Variants in CNTN4 observed in about 807,000 individuals in gnomAD.
CNTN4 encodes the protein contactin-4.
A neutral mutation model predicts 122.5 loss-of-function variants in CNTN4; 77 were observed. The observed-to-expected ratio is 0.63, with a 90% CI of 0.52 to 0.76. The LOEUF (loss-of-function observed/expected upper bound fraction) is 0.76. Among genes scored for constraint, CNTN4 ranks in the 30% least tolerant of loss-of-function variants. The pLI is 0.00. For synonymous variants in CNTN4, 512 were observed against 447.0 expected (o/e 1.15, Z -1.83); for missense variants, 1,256 against 1,259.1 (o/e 1.00, Z 0.04).
rs1700372951 is a variant in CNTN4, at chr3:3,043,768, G to T, written c.2811+64G>T. 4 of 1,012,234 alleles carry T rather than the reference G, an allele frequency of 4.0e-6. No individual in the cohort carries two copies. In the South Asian group the frequency reaches 5.2e-5, roughly 13 times the overall value. 62.7% of individuals were successfully genotyped at this position (1,012,234 alleles called of 1,614,324 possible). Reference sequence around the variant, plus strand: ...TGTGAGTGGGGGCAGTCTCCTCCATGAATTATACAGTTGTCTGCATTGTCA... The same window carrying T: ...TGTGAGTGGGGGCAGTCTCCTCCATTAATTATACAGTTGTCTGCATTGTCA... On this transcript the variant is annotated intron_variant, in intron 23 of 24. Transcript: ENST00000418658.
At chr3:2,627,343 A>G (rs1177682474) in intron 4 of CNTN4, among the ~76,000 whole-genome samples, 5 of 151,946 alleles carry the variant, frequency 3.3e-5, no homozygotes, top group African/African-American at 9.7e-5. Context: ...AGTTATGTTT[A>G]TTTTCTAGCA....
At chr3:2,348,522 C>T (rs1376884986) in intron 3 of CNTN4, among the ~76,000 whole-genome samples, 1 of 152,216 alleles carries the variant, frequency 6.6e-6, no homozygotes. Flanking sequence ...TTAACTGAAA[C>T]TTATTGCAGA....
At chr3:2,816,134 C>G (rs2092722004) in intron 6 of CNTN4, among the ~76,000 whole-genome samples, 1 of 151,980 alleles carries the variant, frequency 6.6e-6, no homozygotes, top group African/African-American at 2.4e-5. Flanking sequence ...GCAGGCAGAT[C>G]ATGAGGTCAG....
chr3:2,368,029 C>CTTTT (rs549023861), intron 3 of CNTN4, among the ~76,000 whole-genome samples: 52 of 109,788 alleles, frequency 4.7e-4, no homozygotes, highest in African/African-American at 1.1e-3. Flanking sequence ...TAGAAAACTT[C>CTTTT]TTTTTTTTTT....
At chr3:2,344,723 G>C (rs756305398) in intron 3 of CNTN4, among the ~76,000 whole-genome samples, 5 of 152,134 alleles carry the variant, frequency 3.3e-5, no homozygotes, top group Non-Finnish European at 7.4e-5. Flanking sequence ...GTACTGATTA[G>C]CTCTTTTGTT....
chr3:2,881,221 G>A (rs1031386813), intron 8 of CNTN4, among the ~76,000 whole-genome samples: 1 of 152,122 alleles, frequency 6.6e-6, no homozygotes, highest in Admixed American at 6.5e-5. Flanking sequence ...CTGATGAAAA[G>A]GGTCACCTCG....
intron 2 of CNTN4, among the ~76,000 whole-genome samples, chr3:2,304,353 A>T (rs1023623547): frequency 3.9e-5 from 6 of 152,200 alleles, no homozygotes. Context: ...AATGAAATTA[A>T]TTACACGTTA....
intron 2 of CNTN4, among the ~76,000 whole-genome samples, chr3:2,272,538 G>T (rs13090494): frequency 0.54 from 81,286 of 151,884 alleles, 22,408 homozygotes; most frequent in South Asian, 0.68. Flanking sequence ...CTATGATAAA[G>T]ATCTTTGTGC....
chr3:2,518,119 G>A (rs1202380745), intron 3 of CNTN4, among the ~76,000 whole-genome samples: 1 of 150,276 alleles, frequency 6.7e-6, no homozygotes, highest in Non-Finnish European at 1.5e-5. Flanking sequence ...TGTGGCATGT[G>A]AGTACATTTA....
intron 12 of CNTN4, among the ~76,000 whole-genome samples, chr3:2,913,960 C>G (rs1027717604): frequency 2.6e-5 from 4 of 152,122 alleles, no homozygotes; most frequent in South Asian, 2.1e-4. Context: ...GTAATATCCT[C>G]TCGGACTATG....
chr3:2,297,426 A>T (rs1186116948), intron 2 of CNTN4, among the ~76,000 whole-genome samples: 1 of 152,160 alleles, frequency 6.6e-6, no homozygotes, highest in African/African-American at 2.4e-5. Context: ...TTGTGTTAAG[A>T]GGTTATGTTG....
intron 2 of CNTN4, among the ~76,000 whole-genome samples, chr3:2,308,304 C>T (rs1010675334): frequency 2.6e-5 from 4 of 151,846 alleles, no homozygotes; most frequent in African/African-American, 7.2e-5. Context: ...ATTGTTTTGT[C>T]AGTCTAGCTA....
intron 2 of CNTN4, among the ~76,000 whole-genome samples, chr3:2,301,278 C>G (rs2042508338): frequency 6.6e-6 from 1 of 152,184 alleles, no homozygotes; most frequent in African/African-American, 2.4e-5. Flanking sequence ...TAATTTATAT[C>G]TTTATGGTCT....
Position 2,931,403 on chromosome 3 carries a change from TGA to T in CNTN4, c.1358+5628_1358+5629del, listed in dbSNP as rs543192302. 2.9e-3 allele frequency among the ~76,000 whole-genome samples: 438 copies of T among 152,224 alleles called. 3 individuals are homozygous for T. Among genetic ancestry groups the T allele is most frequent in the Non-Finnish European group, 7.8e-4 (53 of 68,026 alleles). On this transcript the variant is annotated intron_variant, in intron 13 of 24. Transcript: ENST00000418658. Reference sequence around the variant, plus strand: ...GTAGTAAACAGAGAAGGAGCAAGACTGAGAGGGGGCAAATAAAGAGGTTACTG... The same window carrying T: ...GTAGTAAACAGAGAAGGAGCAAGACTGAGGGGGCAAATAAAGAGGTTACTG...
At chr3:2,533,006 G>A (rs145858093) in intron 3 of CNTN4, among the ~76,000 whole-genome samples, 31 of 152,098 alleles carry the variant, frequency 2.0e-4, no homozygotes, top group East Asian at 1.6e-3. Flanking sequence ...CTTAGTCACC[G>A]CCCAAATCTC....
rs113454553 is a variant in CNTN4 at position 2,761,438 on chromosome 3, C to CTGTGTGTGTGTG, written c.358+15765_358+15776dup. Among the ~76,000 whole-genome samples, 143 of 92,762 alleles carry CTGTGTGTGTGTG rather than the reference C, an allele frequency of 1.5e-3. 1 individual carries two copies. In the Middle Eastern group the frequency reaches 0.026, roughly 17 times the overall value. The allele number at this position is 92,762 out of a possible 152,430, so 60.9% of individuals were successfully genotyped here. A position where few individuals can be genotyped will look rare whatever the true frequency, so the allele number is the denominator to read the frequency against. On this transcript the variant is annotated intron_variant, in intron 6 of 24. Coordinates refer to ENST00000418658, the MANE Select transcript of CNTN4 (RefSeq NM_175607.3). ...ATTAAATATGCCTGGTAAGTGTAAC[C>CTGTGTGTGTGTG]TGTGTGTGTGTGTGTGTGTGTGTGT...
intron 3 of CNTN4, among the ~76,000 whole-genome samples, chr3:2,457,944 C>T (rs960234657): frequency 6.6e-6 from 1 of 152,058 alleles, no homozygotes; most frequent in Non-Finnish European, 1.5e-5. Context: ...AGATTTTGAC[C>T]ACCTCAGGAT....
intron 2 of CNTN4, among the ~76,000 whole-genome samples, chr3:2,261,080 T>C (rs533758888): frequency 6.6e-6 from 1 of 152,260 alleles, no homozygotes; most frequent in East Asian, 1.9e-4. Context: ...CACTACCATA[T>C]GATGAATAAT....
chr3:2,527,279 G>A (rs369521152), intron 3 of CNTN4, among the ~76,000 whole-genome samples: 1 of 152,120 alleles, frequency 6.6e-6, no homozygotes, highest in South Asian at 2.1e-4. Flanking sequence ...CTTTTTATGT[G>A]GATGTCCTCT....
Sources: allele counts gnomAD v4.1 joint callset (sites outside exome capture counted in the v4.1 genomes callset), GRCh38; gene constraint gnomAD v4.1.1; transcripts MANE v1.5; gene names NCBI Gene and HGNC (gene_info 2026-07-23, HGNC 2026-07-21).